SLC2A13: variants seen among roughly 807,000 people sequenced by gnomAD.
SLC2A13 encodes proton myo-inositol cotransporter.
SLC2A13 carries 32 observed loss-of-function variants against 64.4 expected under a neutral mutation model. The ratio of observed to expected loss-of-function variants is 0.50; its 90% CI spans 0.37 to 0.67. SLC2A13 has a LOEUF of 0.67. Ranked by LOEUF, SLC2A13 falls within the 30% of genes least tolerant of loss-of-function variation. SLC2A13 has a pLI of 0.00. For synonymous variants in SLC2A13, 338 were observed against 327.1 expected (o/e 1.03, Z -0.36); for missense variants, 743 against 829.2 (o/e 0.90, Z 1.28).
At chr12:39,961,759 C>T (rs1591953441) in intron 3 of SLC2A13, among the ~76,000 whole-genome samples, 2 of 152,232 alleles carry the variant, frequency 1.3e-5, no homozygotes, top group Admixed American at 1.3e-4. Flanking sequence ...CCTCACCCTC[C>T]CAAAGCGCTG....
intron 1 of SLC2A13, among the ~76,000 whole-genome samples, chr12:40,055,773 C>A (rs1017232261): frequency 6.6e-6 from 1 of 152,040 alleles, no homozygotes. Context: ...CTGTTTAAAT[C>A]TGTTTATAAC....
chr12:39,777,880 C>T (rs988890287), intron 7 of SLC2A13, among the ~76,000 whole-genome samples: 3 of 152,196 alleles, frequency 2.0e-5, no homozygotes, highest in Non-Finnish European at 4.4e-5. Context: ...TCTTCTGGTA[C>T]ACAGAGGCAA....
chr12:39,945,171 G>T (rs1946113185), intron 4 of SLC2A13, among the ~76,000 whole-genome samples: 1 of 152,154 alleles, frequency 6.6e-6, no homozygotes, highest in Admixed American at 6.5e-5. Flanking sequence ...ATTTGAGGAG[G>T]CTGAAGATGG....
chr12:39,929,958 C>T (rs962545288), intron 4 of SLC2A13, among the ~76,000 whole-genome samples: 21 of 151,984 alleles, frequency 1.4e-4, no homozygotes, highest in Non-Finnish European at 2.9e-5. Flanking sequence ...GGGTGAAACC[C>T]TGTCTCTACT....
chr12:40,045,536 G>T (rs1316741499), intron 2 of SLC2A13, among the ~76,000 whole-genome samples: 1 of 148,948 alleles, frequency 6.7e-6, no homozygotes, highest in African/African-American at 2.5e-5. Context: ...TACTGATAAG[G>T]ATACTAGATA....
At chr12:39,967,205 A>G (rs1946534432) in intron 3 of SLC2A13, among the ~76,000 whole-genome samples, 1 of 152,200 alleles carries the variant, frequency 6.6e-6, no homozygotes, top group Non-Finnish European at 1.5e-5. Flanking sequence ...TGTAAAATAA[A>G]ACTTGTTTCT....
chr12:39,768,066 C>T (rs938622126), intron 7 of SLC2A13, among the ~76,000 whole-genome samples: 4 of 152,208 alleles, frequency 2.6e-5, no homozygotes, highest in Admixed American at 6.5e-5. Flanking sequence ...GATAACTTGA[C>T]GCAGCTTCTC....
intron 3 of SLC2A13, among the ~76,000 whole-genome samples, chr12:39,960,829 C>A (rs897070202): frequency 6.1e-5 from 9 of 147,548 alleles, no homozygotes; most frequent in Non-Finnish European, 1.3e-4. Flanking sequence ...CTCACTGCAA[C>A]CTCAGTCTCC....
At chr12:39,887,074 A>G (rs533311784) in intron 4 of SLC2A13, among the ~76,000 whole-genome samples, 3 of 152,338 alleles carry the variant, frequency 2.0e-5, no homozygotes, top group African/African-American at 7.2e-5. Context: ...AGAGACTGTT[A>G]TGGAAATTCT....
intron 2 of SLC2A13, among the ~76,000 whole-genome samples, chr12:40,045,631 A>T (rs1438957869): frequency 6.6e-6 from 1 of 151,940 alleles, no homozygotes; most frequent in Admixed American, 6.6e-5. Context: ...ATTCATGCAA[A>T]GAATAAATTG....
chr12:39,871,712 T>G, intron 5 of SLC2A13, 86 bp downstream of exon 5: 1 of 1,259,466 alleles, frequency 7.9e-7, no homozygotes, highest in East Asian at 2.7e-5. Flanking sequence ...ATATTAGAAG[T>G]GGTGTAAGTA....
chr12:40,038,092 A>G (rs1453772643), intron 2 of SLC2A13, among the ~76,000 whole-genome samples: 3 of 152,188 alleles, frequency 2.0e-5, no homozygotes, highest in East Asian at 3.8e-4. Context: ...TAGATCACTG[A>G]CTTTAAACCT....
At chr12:40,067,423 A>T (rs1464713727) in intron 1 of SLC2A13, among the ~76,000 whole-genome samples, 1 of 152,058 alleles carries the variant, frequency 6.6e-6, no homozygotes, top group Non-Finnish European at 1.5e-5. Flanking sequence ...GCTGTTGTTG[A>T]TAATATATTT....
At chr12:39,896,213 T>A (rs1347215396) in intron 4 of SLC2A13, among the ~76,000 whole-genome samples, 1 of 148,680 alleles carries the variant, frequency 6.7e-6, no homozygotes, top group Non-Finnish European at 1.5e-5. Flanking sequence ...TACATGTATA[T>A]ACGTATACAT....
intron 1 of SLC2A13, among the ~76,000 whole-genome samples, chr12:40,054,553 C>T (rs1948307086): frequency 6.6e-6 from 1 of 152,052 alleles, no homozygotes; most frequent in Non-Finnish European, 1.5e-5. Context: ...AAATTTCCTA[C>T]AAAATTATAA....
intron 7 of SLC2A13, among the ~76,000 whole-genome samples, chr12:39,822,806 A>G (rs1385075219): frequency 6.6e-6 from 1 of 152,256 alleles, no homozygotes; most frequent in Non-Finnish European, 1.5e-5. Flanking sequence ...ACTGAAAATG[A>G]AAGGTAGTTA....
intron 7 of SLC2A13, among the ~76,000 whole-genome samples, chr12:39,823,912 A>G (rs1942594471): frequency 6.6e-6 from 1 of 152,172 alleles, no homozygotes; most frequent in South Asian, 2.1e-4. Context: ...TGTAAATTGC[A>G]TTACTTCAAT....
chr12:39,976,483 T>A (rs1384709630), intron 3 of SLC2A13, among the ~76,000 whole-genome samples: 3 of 152,238 alleles, frequency 2.0e-5, no homozygotes, highest in Non-Finnish European at 4.4e-5. Context: ...CCACGATTCA[T>A]TTGAAATTAG....
intron 2 of SLC2A13, among the ~76,000 whole-genome samples, chr12:40,044,262 C>T (rs1325874573): frequency 6.6e-6 from 1 of 152,042 alleles, no homozygotes; most frequent in Non-Finnish European, 1.5e-5. Flanking sequence ...ATACAGAATA[C>T]ATAAACCTAT....
Sources: gnomAD v4.1 joint callset for allele counts (sites outside exome capture counted in the v4.1 genomes callset) on GRCh38, gnomAD v4.1.1 for gene constraint, MANE v1.5 for transcripts, NCBI Gene and HGNC (gene_info 2026-07-23, HGNC 2026-07-21) for gene names.